The following ITGAV variants were observed in gnomAD, a reference collection of about 807,000 sequenced individuals.
ITGAV encodes the protein integrin alpha-V.
ITGAV carries 76 observed loss-of-function variants against 143.8 expected under a neutral mutation model. The observed-to-expected ratio is 0.53, with a 90% CI of 0.44 to 0.64. The LOEUF is 0.64. ITGAV is among the 30% of genes least tolerant of loss of function. The pLI, the probability that ITGAV is intolerant of heterozygous loss-of-function variation, is 0.00. For synonymous variants in ITGAV, 453 were observed against 446.7 expected (o/e 1.01, Z -0.18); for missense variants, 1,193 against 1,274.7 (o/e 0.94, Z 0.98).
In ITGAV at chr2:186,625,593, TA is replaced by T; in HGVS notation, c.523+7del. 1 of 1,593,880 alleles carries T rather than the reference TA, an allele frequency of 6.3e-7. No individual in the cohort carries two copies. Among genetic ancestry groups the T allele is most frequent in the Non-Finnish European group, 8.6e-7 (1 of 1,162,504 alleles). ...GTATGCTCCATGTAGATCACGTATGTATAGGATATTGTACCAGCTTTTAAGA... is the reference window on the plus strand; with the variant it reads ...GTATGCTCCATGTAGATCACGTATGTTAGGATATTGTACCAGCTTTTAAGA... On this transcript the variant is annotated splice_region_variant and intron_variant, in intron 4 of 29. Transcript: ENST00000261023.
At chr2:186,614,274 A>G (rs1478458838) in intron 2 of ITGAV, among the ~76,000 whole-genome samples, 1 of 151,930 alleles carries the variant, frequency 6.6e-6, no homozygotes. Flanking sequence ...TTGTGTGTGT[A>G]TTTGTGCATG....
chr2:186,618,458 C>T (rs1265012278), intron 2 of ITGAV, among the ~76,000 whole-genome samples: 4 of 152,160 alleles, frequency 2.6e-5, no homozygotes, highest in African/African-American at 9.7e-5. Flanking sequence ...CCCTGATGTC[C>T]ACAAAGACAG....
intron 4 of ITGAV, among the ~76,000 whole-genome samples, chr2:186,630,175 T>C (rs1424022022): frequency 2.0e-5 from 3 of 152,056 alleles, no homozygotes; most frequent in Non-Finnish European, 4.4e-5. Context: ...TCATCTCTGT[T>C]GTTGGCTCTA....
chr2:186,662,544 T>C (rs1044670749), intron 18 of ITGAV, among the ~76,000 whole-genome samples: 5 of 152,188 alleles, frequency 3.3e-5, no homozygotes, highest in African/African-American at 1.2e-4. Context: ...CTGCAAAACT[T>C]TTAGTAAGTT....
At chr2:186,608,960 A>T (rs2105665909) in intron 2 of ITGAV, among the ~76,000 whole-genome samples, 1 of 152,304 alleles carries the variant, frequency 6.6e-6, no homozygotes, top group South Asian at 2.1e-4. Context: ...TAACACCATG[A>T]GAATAATTTC....
At chr2:186,656,471 A>G in intron 17 of ITGAV, 70 bp downstream of exon 17, 9 of 1,168,458 alleles carry the variant, frequency 7.7e-6, no homozygotes, top group Non-Finnish European at 9.4e-6. Context: ...AATGATTTTC[A>G]CTTTCTGTAA....
At chr2:186,676,756 A>G in intron 28 of ITGAV, 57 bp from the exon 29 acceptor site, 1 of 1,533,022 alleles carries the variant, frequency 6.5e-7, no homozygotes, top group Non-Finnish European at 8.9e-7. Flanking sequence ...TTACTCAGAT[A>G]TTTGTTGATT....
At position 186,649,907 on chromosome 2, in the gene ITGAV, C is replaced by A. The variant is rs746848855; in HGVS notation, c.1397+22C>A. ...ACAGGTGAGCATTTTCTGTATCCTG[C>A]GGTATAGGAATATTCTGAATTATTT... On this transcript the variant is annotated intron_variant, in intron 14 of 29. Transcript: ENST00000261023. The A allele has an allele frequency of 2.2e-5, 32 of 1,485,082 alleles. No individual in the cohort carries two copies. In the East Asian group the frequency reaches 7.0e-4, roughly 32 times the overall value. 92.0% of individuals were successfully genotyped at this position (1,485,082 alleles called of 1,614,324 possible). A position where few individuals can be genotyped will look rare whatever the true frequency, so the allele number is the denominator to read the frequency against.
At chr2:186,674,832 G>A (rs1047719328) in intron 26 of ITGAV, among the ~76,000 whole-genome samples, 11 of 152,178 alleles carry the variant, frequency 7.2e-5, no homozygotes, top group Admixed American at 5.2e-4. Flanking sequence ...TTACCTAATT[G>A]CACTGGCTAG....
intron 12 of ITGAV, among the ~76,000 whole-genome samples, chr2:186,643,806 G>A (rs1688174686): frequency 1.3e-5 from 2 of 152,162 alleles, no homozygotes; most frequent in African/African-American, 2.4e-5. Context: ...TTCCAGACTC[G>A]ACAGATGATA....
intron 20 of ITGAV, 111 bp downstream of exon 20, chr2:186,664,752 A>G (rs1559066453): frequency 3.9e-6 from 5 of 1,293,846 alleles, no homozygotes; most frequent in Non-Finnish European, 5.5e-6. Context: ...ACCTAAGGCT[A>G]AATTGATAGA....
chr2:186,661,561 T>A (rs1688745211), intron 18 of ITGAV, among the ~76,000 whole-genome samples: 1 of 151,656 alleles, frequency 6.6e-6, no homozygotes, highest in Non-Finnish European at 1.5e-5. Context: ...TCTCTCATTT[T>A]TTTCATTCAA....
intron 2 of ITGAV, among the ~76,000 whole-genome samples, chr2:186,619,207 G>A (rs1402173509): frequency 1.3e-5 from 2 of 151,546 alleles, no homozygotes; most frequent in South Asian, 2.1e-4. Context: ...GTGTGTGTAC[G>A]TGTCTGTGTT....
At chr2:186,602,869 T>C in intron 2 of ITGAV, among the ~76,000 whole-genome samples, 1 of 90,610 alleles carries the variant, frequency 1.1e-5, no homozygotes, top group Non-Finnish European at 2.2e-5. Flanking sequence ...AGAGGGAGAC[T>C]CCATCTTAAA....
chr2:186,639,590 T>C (rs772376026), intron 10 of ITGAV, among the ~76,000 whole-genome samples: 20 of 152,178 alleles, frequency 1.3e-4, no homozygotes, highest in African/African-American at 2.4e-4. Context: ...CCTTCCACTA[T>C]TGGGAAGTGG....
At position 186,663,777 on chromosome 2, in the gene ITGAV, C is replaced by G; in HGVS notation, c.1867C>G (p.Leu623Val). The change falls in exon 19 of 30, where the codon CTA (leucine) becomes GTA (valine). Residue 623 changes from leucine to valine, a missense_variant. Leu to Val is a conservative substitution (Grantham distance 32, BLOSUM62 1). Transcript: ENST00000261023. ...PANISRQAHI[L>V]LDCGEDNVCK... ...AAATGTTTTTTTCTAGGCTCACATT[C>G]TACTTGACTGTGGTGAAGACAATGT... The G allele has an allele frequency of 1.9e-6, 3 of 1,611,850 alleles. No homozygotes were observed. The highest frequency in any genetic ancestry group is 2.5e-6 in the Non-Finnish European group (3 of 1,178,284).
chr2:186,652,931 ATTTTTTTTTTTTTT>A, intron 15 of ITGAV, among the ~76,000 whole-genome samples: 1 of 82,450 alleles, frequency 1.2e-5, no homozygotes, highest in South Asian at 4.8e-4. Flanking sequence ...TTCATTATAG[ATTTTTTTTTTTTTT>A]TTTTTTTTTT....
At chr2:186,673,929 C>T (rs1689135306) in intron 26 of ITGAV, among the ~76,000 whole-genome samples, 2 of 152,022 alleles carry the variant, frequency 1.3e-5, no homozygotes, top group South Asian at 2.1e-4. Context: ...CTTGGCCTCC[C>T]GAAAGTTCTA....
chr2:186,667,465 T>C (rs1204422100), intron 23 of ITGAV, among the ~76,000 whole-genome samples: 1 of 152,228 alleles, frequency 6.6e-6, no homozygotes, highest in Non-Finnish European at 1.5e-5. Flanking sequence ...GTTGAACTTT[T>C]ACACAAATTG....
Sources: allele counts gnomAD v4.1 joint callset (sites outside exome capture counted in the v4.1 genomes callset), GRCh38; gene constraint gnomAD v4.1.1; transcripts MANE v1.5; gene names NCBI Gene and HGNC (gene_info 2026-07-23, HGNC 2026-07-21).